Variants in CADPS2 observed in about 807,000 individuals in gnomAD.
The protein encoded by CADPS2 is calcium dependent secretion activator 2.
A neutral mutation model predicts 172.5 loss-of-function variants in CADPS2; 93 were observed. The observed-to-expected ratio is 0.54, with a 90% CI of 0.46 to 0.64. The LOEUF (loss-of-function observed/expected upper bound fraction) is 0.64, where lower values mean the gene tolerates loss of function less well. Among genes scored for constraint, CADPS2 ranks in the 30% least tolerant of loss-of-function variants. The pLI, the probability that CADPS2 is intolerant of heterozygous loss-of-function variation, is 0.00. For missense variants in CADPS2, 1,420 were observed against 1,565.9 expected, an observed-to-expected ratio of 0.91 and a Z score of 1.57; for synonymous variants, 546 against 555.2, an observed-to-expected ratio of 0.98 and a Z score of 0.23.
chr7:122,438,354 A>G lies in CADPS2; in HGVS notation c.2463T>C (p.Tyr821=). 1 of 1,612,938 alleles carries G rather than the reference A, an allele frequency of 6.2e-7. No individual in the cohort carries two copies. Among genetic ancestry groups the G allele is most frequent in the Non-Finnish European group, 8.5e-7 (1 of 1,179,190 alleles). ...CACTGCACTGACCTTCTATTTTGGC[A>G]TATTCTGTGAGTCTAGTGTAATTGA... The part of the protein sequence containing the change: ...ALINYTRLTE[Y]AKIEETMNQA... The change falls in exon 17 of 30, where the codon TAT becomes TAC. Residue 821 remains tyrosine (Y), a synonymous_variant. Transcript: ENST00000449022.
intron 17 of CADPS2, chr7:122,436,399 G>T (rs2050648104): frequency 7.9e-7 from 1 of 1,264,808 alleles, no homozygotes; most frequent in Non-Finnish European, 1.0e-6. Context: ...TAAGAAAAGA[G>T]AATTTAGGAG....
intron 19 of CADPS2, among the ~76,000 whole-genome samples, chr7:122,413,605 G>T (rs1402230957): frequency 6.6e-6 from 1 of 152,166 alleles, no homozygotes; most frequent in African/African-American, 2.4e-5. Flanking sequence ...TCCACCAAGG[G>T]AGCTGAGCCA....
chr7:122,564,166 C>A (rs1426744962), intron 7 of CADPS2, among the ~76,000 whole-genome samples: 1 of 152,104 alleles, frequency 6.6e-6, no homozygotes, highest in Admixed American at 6.6e-5. Context: ...GGGATCCATG[C>A]AAGGTCTAAC....
chr7:122,599,501 C>T (rs142407375), intron 6 of CADPS2, among the ~76,000 whole-genome samples: 55 of 152,030 alleles, frequency 3.6e-4, no homozygotes, highest in Non-Finnish European at 6.8e-4. Context: ...GCTAGAAATA[C>T]CACATACTGA....
At chr7:122,759,656 T>A (rs1359013408) in intron 1 of CADPS2, among the ~76,000 whole-genome samples, 1 of 152,170 alleles carries the variant, frequency 6.6e-6, no homozygotes, top group African/African-American at 2.4e-5. Flanking sequence ...AGGACTTCAA[T>A]GATTTTAATG....
At chr7:122,651,517 A>G (rs1364083417) in intron 3 of CADPS2, among the ~76,000 whole-genome samples, 1 of 152,222 alleles carries the variant, frequency 6.6e-6, no homozygotes, top group Non-Finnish European at 1.5e-5. Flanking sequence ...GAAATCATAA[A>G]CTTGAAGCCT....
intron 8 of CADPS2, among the ~76,000 whole-genome samples, chr7:122,539,817 C>A (rs2062733856): frequency 6.9e-6 from 1 of 145,878 alleles, no homozygotes; most frequent in African/African-American, 2.4e-5. Flanking sequence ...CTCTGTCTTT[C>A]TGTCTCTCTC....
At chr7:122,362,717 T>C (rs1300237234) in intron 25 of CADPS2, among the ~76,000 whole-genome samples, 2 of 152,168 alleles carry the variant, frequency 1.3e-5, no homozygotes, top group Admixed American at 6.5e-5. Context: ...GAAGACTGGT[T>C]TTTGTTCACA....
At chr7:122,554,510 T>C (rs1310092723) in intron 8 of CADPS2, 40 bp downstream of exon 8, 5 of 1,539,012 alleles carry the variant, frequency 3.2e-6, no homozygotes, top group Non-Finnish European at 4.4e-6. Flanking sequence ...TGAAATGAAA[T>C]TCAATAATTC....
At chr7:122,331,616 T>C (rs1264208547) in intron 28 of CADPS2, among the ~76,000 whole-genome samples, 2 of 152,148 alleles carry the variant, frequency 1.3e-5, no homozygotes, top group African/African-American at 4.8e-5. Context: ...TCCTGCCTGG[T>C]TGATACAAGG....
intron 1 of CADPS2, among the ~76,000 whole-genome samples, chr7:122,833,247 C>T (rs990492690): frequency 9.9e-5 from 15 of 152,054 alleles, no homozygotes; most frequent in African/African-American, 3.1e-4. Flanking sequence ...TAGTTGTTTG[C>T]GCTGTTTTAA....
intron 1 of CADPS2, among the ~76,000 whole-genome samples, chr7:122,742,739 T>C (rs1213432005): frequency 1.3e-5 from 2 of 152,212 alleles, no homozygotes; most frequent in Non-Finnish European, 2.9e-5. Flanking sequence ...TCCATCTTGC[T>C]AGATGTATCT....
At chr7:122,666,667 G>C (rs1020695481) in intron 2 of CADPS2, among the ~76,000 whole-genome samples, 1 of 152,006 alleles carries the variant, frequency 6.6e-6, no homozygotes, top group Non-Finnish European at 1.5e-5. Context: ...AAGCAACATC[G>C]GTAGAGGCTG....
chr7:122,469,035 A>G (rs769154452), intron 14 of CADPS2, among the ~76,000 whole-genome samples: 1 of 152,246 alleles, frequency 6.6e-6, no homozygotes, highest in Non-Finnish European at 1.5e-5. Flanking sequence ...AATATTAAAG[A>G]TAATATATGC....
chr7:122,882,852 T>C (rs1162154858), intron 1 of CADPS2, among the ~76,000 whole-genome samples: 3 of 152,266 alleles, frequency 2.0e-5, no homozygotes, highest in Admixed American at 6.5e-5. Context: ...CTATCACTAC[T>C]GACATCACTT....
At chr7:122,874,123 G>T (rs1009951667) in intron 1 of CADPS2, among the ~76,000 whole-genome samples, 3 of 152,030 alleles carry the variant, frequency 2.0e-5, no homozygotes, top group Non-Finnish European at 4.4e-5. Flanking sequence ...TGTTCACTCT[G>T]ATGATAGTTT....
chr7:122,836,763 C>T (rs1054569891), intron 1 of CADPS2, among the ~76,000 whole-genome samples: 5 of 152,130 alleles, frequency 3.3e-5, no homozygotes, highest in African/African-American at 9.7e-5. Flanking sequence ...TACAGGAGCA[C>T]CCAGATTCAT....
intron 2 of CADPS2, among the ~76,000 whole-genome samples, chr7:122,733,162 A>AT (rs2091849027): frequency 6.6e-6 from 1 of 151,822 alleles, no homozygotes; most frequent in Non-Finnish European, 1.5e-5. Flanking sequence ...TGCTTCATAT[A>AT]TATCTAGCAT....
intron 7 of CADPS2, among the ~76,000 whole-genome samples, chr7:122,557,482 A>G (rs546027588): frequency 6.6e-6 from 1 of 152,150 alleles, no homozygotes; most frequent in African/African-American, 2.4e-5. Context: ...AAACTTACCC[A>G]TAGCTCTCCT....
Sources: allele counts gnomAD v4.1 joint callset (sites outside exome capture counted in the v4.1 genomes callset), GRCh38; gene constraint gnomAD v4.1.1; transcripts MANE v1.5; gene names NCBI Gene and HGNC (gene_info 2026-07-23, HGNC 2026-07-21).